PACRGL: variants seen among roughly 807,000 people sequenced by gnomAD.
PACRGL encodes PACRG-like protein.
In PACRGL, 38 loss-of-function variants were observed where a neutral mutation model predicts 34.5. The observed-to-expected ratio is 1.10, with a 90% CI of 0.85 to 1.44. The LOEUF (loss-of-function observed/expected upper bound fraction) is 1.44. PACRGL is among the 40% of genes most tolerant of loss of function. The probability of loss-of-function intolerance (pLI) is 0.00; values close to 1 mark genes in which losing one functional copy is unlikely to be tolerated. For synonymous variants in PACRGL, 128 were observed against 100.1 expected (o/e 1.28, Z -1.66); for missense variants, 305 against 281.4 (o/e 1.08, Z -0.60).
At chr4:20,701,719 C>T (rs1278073650) in intron 1 of PACRGL, 4 of 365,648 alleles carry the variant, frequency 1.1e-5, no homozygotes, top group Non-Finnish European at 2.2e-5. Flanking sequence ...CCTTGGTGTC[C>T]GTGGAGAATT....
rs746058790 is a variant in PACRGL at position 20,709,636 on chromosome 4, A to G, written c.276-47A>G. On this transcript the variant is annotated intron_variant, in intron 4 of 8. Coordinates refer to ENST00000503585, the MANE Select transcript of PACRGL (RefSeq NM_001258345.3). ...GTATGTTAGATTATCCCTGCTTAATATAGAATTATATTTTTCTTGTTGCAT... is the reference window on the plus strand; with the variant it reads ...GTATGTTAGATTATCCCTGCTTAATGTAGAATTATATTTTTCTTGTTGCAT... 5.6e-5 allele frequency: 70 copies of G among 1,245,988 alleles called. No homozygotes were observed. In the East Asian group the frequency reaches 1.5e-3, roughly 27 times the overall value. The allele number at this position is 1,245,988 out of a possible 1,614,324, so 77.2% of individuals were successfully genotyped here. A position where few individuals can be genotyped will look rare whatever the true frequency, so the allele number is the denominator to read the frequency against.
At chr4:20,751,360 T>A (rs1396275932) in intron 8 of PACRGL, among the ~76,000 whole-genome samples, 1 of 152,170 alleles carries the variant, frequency 6.6e-6, no homozygotes, top group Non-Finnish European at 1.5e-5. Flanking sequence ...TTAATTACCA[T>A]AAACTTAGTT....
At chr4:20,697,404 A>G (rs932925385), upstream of PACRGL, among the ~76,000 whole-genome samples, 1 of 152,196 alleles carries the variant, frequency 6.6e-6, no homozygotes, top group Non-Finnish European at 1.5e-5. Flanking sequence ...TCACAAGTCA[A>G]TGAGAACCAG....
At chr4:20,764,523 G>A in the PACRGL span, among the ~76,000 whole-genome samples, 3 of 151,914 alleles carry the variant, frequency 2.0e-5, no homozygotes, top group African/African-American at 4.8e-5. Context: ...ATCCCAGAAG[G>A]AGAATCGTAA....
chr4:20,733,712 A>C (rs1397122918), downstream of PACRGL, among the ~76,000 whole-genome samples: 2 of 152,222 alleles, frequency 1.3e-5, no homozygotes. Context: ...TGATATAAAA[A>C]TATACAAGAA....
At chr4:20,744,728 T>G (rs1015971286) in intron 8 of PACRGL, among the ~76,000 whole-genome samples, 1 of 152,006 alleles carries the variant, frequency 6.6e-6, no homozygotes, top group African/African-American at 2.4e-5. Context: ...GTAACAAACC[T>G]GCACATTTTG....
At chr4:20,749,136 T>G (rs1753085879) in intron 8 of PACRGL, among the ~76,000 whole-genome samples, 1 of 144,072 alleles carries the variant, frequency 6.9e-6, no homozygotes, top group East Asian at 2.0e-4. Flanking sequence ...CCAGCCTTTA[T>G]GACAGAGCGA....
intron 7 of PACRGL, among the ~76,000 whole-genome samples, chr4:20,722,681 A>G (rs1001785943): frequency 4.6e-5 from 7 of 152,178 alleles, no homozygotes; most frequent in African/African-American, 7.2e-5. Flanking sequence ...AGTTCCCATC[A>G]TAAATCACAT....
chr4:20,752,054 A>ATT (rs1375861437), intron 8 of PACRGL, among the ~76,000 whole-genome samples: 1 of 80,834 alleles, frequency 1.2e-5, no homozygotes, highest in African/African-American at 5.4e-5. Flanking sequence ...TACTTCATAG[A>ATT]GTTTTTTTTT....
intron 8 of PACRGL, among the ~76,000 whole-genome samples, chr4:20,725,205 A>G (rs2149202801): frequency 6.6e-6 from 1 of 152,238 alleles, no homozygotes; most frequent in East Asian, 1.9e-4. Context: ...TTTAGTTTTG[A>G]CCATCGAAAA....
chr4:20,724,912 G>GCC, intron 8 of PACRGL, 24 bp downstream of exon 8: 4 of 1,255,144 alleles, frequency 3.2e-6, no homozygotes, highest in Non-Finnish European at 4.1e-6. Context: ...TATTCCTTAA[G>GCC]TCTTTTTTTT....
chr4:20,734,796 A>AG, downstream of PACRGL: 1 of 1,012,802 alleles, frequency 9.9e-7, no homozygotes, highest in South Asian at 1.5e-5. Flanking sequence ...AACAAAAAAA[A>AG]CAAATGATGT....
downstream of PACRGL, among the ~76,000 whole-genome samples, chr4:20,733,606 A>C (rs1748881760): frequency 6.6e-6 from 1 of 152,228 alleles, no homozygotes; most frequent in Admixed American, 6.5e-5. Flanking sequence ...TTTGTTAGAC[A>C]CAGGCAGAAT....
In PACRGL at chr4:20,731,939, AGCT is replaced by A; in HGVS notation, c.*4602_*4604del. 6.3e-7 allele frequency: 1 copy of A among 1,597,748 alleles called. No individual in the cohort carries two copies. Among genetic ancestry groups the A allele is most frequent in the African/African-American group, 1.3e-5 (1 of 74,456 alleles). On this transcript the variant is annotated 3_prime_UTR_variant, in exon 9 of 9. Transcript: ENST00000503585. ...ATATTTCGCCCAGTTCATGGTAGCT[AGCT>A]GCTAATACTCAGTTTAGCTGTTATG...
intron 8 of PACRGL, among the ~76,000 whole-genome samples, chr4:20,751,163 C>T (rs911026201): frequency 1.1e-4 from 16 of 152,210 alleles, no homozygotes; most frequent in African/African-American, 3.9e-4. Context: ...TCATCTCTCA[C>T]CTTTTTAATA....
chr4:20,712,007 C>T (rs908437856), intron 5 of PACRGL, among the ~76,000 whole-genome samples: 2 of 151,952 alleles, frequency 1.3e-5, no homozygotes, highest in African/African-American at 4.8e-5. Context: ...GATCTTATAG[C>T]CATGCATTCA....
chr4:20,703,507 TG>T (rs1733195645), intron 1 of PACRGL, among the ~76,000 whole-genome samples: 1 of 114,392 alleles, frequency 8.7e-6, no homozygotes, highest in Non-Finnish European at 1.9e-5. Flanking sequence ...TGTGTGTGTG[TG>T]TGTTTGTGTG....
intron 8 of PACRGL, among the ~76,000 whole-genome samples, chr4:20,747,265 T>G (rs1414602075): frequency 1.4e-4 from 22 of 152,288 alleles, no homozygotes; most frequent in Non-Finnish European, 4.4e-5. Context: ...TTCTGACACA[T>G]AAGTAATTTC....
chr4:20,754,699 A>G (rs1754208165), downstream of PACRGL, among the ~76,000 whole-genome samples: 1 of 152,218 alleles, frequency 6.6e-6, no homozygotes, highest in South Asian at 2.1e-4. Context: ...ATTTTTTCTC[A>G]AATCCCTAAT....
Sources: gnomAD v4.1 joint callset for allele counts (sites outside exome capture counted in the v4.1 genomes callset) on GRCh38, gnomAD v4.1.1 for gene constraint, MANE v1.5 for transcripts, NCBI Gene and HGNC (gene_info 2026-07-23, HGNC 2026-07-21) for gene names.